SNX30: variants seen among roughly 807,000 people sequenced by gnomAD.
SNX30 encodes the protein sorting nexin family member 30, also known as sorting nexin-30.
SNX30 carries 24 observed loss-of-function variants against 46.4 expected under a neutral mutation model. The observed-to-expected ratio is 0.52, with a 90% CI of 0.37 to 0.73. The LOEUF is 0.73. Ranked by LOEUF, SNX30 falls within the 30% of genes least tolerant of loss-of-function variation. The pLI is 0.00. For missense variants in SNX30, 533 were observed against 555.7 expected (o/e 0.96, Z 0.41); for synonymous variants, 189 against 211.5 (o/e 0.89, Z 0.92).
chr9:112,863,038 T>C lies in SNX30; in HGVS notation c.1102-1209T>C, dbSNP rs559595948. Among the ~76,000 whole-genome samples, 10 of 152,298 alleles carry C rather than the reference T, an allele frequency of 6.6e-5. No individual in the cohort carries two copies. The East Asian group carries it at 1.5e-3, about 24-fold the overall frequency. ...TCAGGCACATTCAAATTCACTTGCC[T>C]TGGCCATGTCTCTTCCCTGACTCCT... On this transcript the variant is annotated intron_variant, in intron 7 of 8. Transcript: ENST00000374232.
chr9:112,879,996 G>A, exon 5 of SNX30: 1 of 525,032 alleles, frequency 1.9e-6, no homozygotes, highest in East Asian at 2.9e-5. Flanking sequence ...CTAGCTAAAA[G>A]GAGCATGTTG....
At chr9:112,784,328 T>G (rs1430179690) in intron 1 of SNX30, among the ~76,000 whole-genome samples, 1 of 152,174 alleles carries the variant, frequency 6.6e-6, no homozygotes, top group Non-Finnish European at 1.5e-5. Context: ...TGAAGTCTTT[T>G]TGTAAAATGT....
At chr9:112,878,693 A>G (rs57717380), downstream of SNX30, 22,752 of 152,210 alleles carry the variant, frequency 0.15, 1,915 homozygotes, top group Non-Finnish European at 0.19. Context: ...GGGCAGACAC[A>G]GTCACGTGCT....
intron 6 of SNX30, among the ~76,000 whole-genome samples, chr9:112,844,881 A>G (rs1840916528): frequency 6.6e-6 from 1 of 152,334 alleles, no homozygotes; most frequent in African/African-American, 2.4e-5. Flanking sequence ...CAATGAGTCA[A>G]ACTCCGGGAA....
rs1256331578 is a variant in SNX30, at chr9:112,817,437, G to A, written c.349-268G>A. On this transcript the variant is annotated intron_variant, in intron 2 of 8. Transcript: ENST00000374232. Reference sequence around the variant, plus strand: ...TTTTTTTTTTTTTTTTTTTTGAGACGGAGTCTCGCTCTGTCACCCAGGCTG... The same window carrying A: ...TTTTTTTTTTTTTTTTTTTTGAGACAGAGTCTCGCTCTGTCACCCAGGCTG... Among the ~76,000 whole-genome samples, 70 of 38,630 alleles carry A rather than the reference G, an allele frequency of 1.8e-3. 1 individual carries two copies. The highest frequency in any genetic ancestry group is 0.012 in the African/African-American group (59 of 4,866). 25.3% of individuals were successfully genotyped at this position (38,630 alleles called of 152,430 possible). A position where few individuals can be genotyped will look rare whatever the true frequency, so the allele number is the denominator to read the frequency against.
At chr9:112,852,296 G>T (rs945320823) in intron 7 of SNX30, among the ~76,000 whole-genome samples, 1 of 152,070 alleles carries the variant, frequency 6.6e-6, no homozygotes, top group African/African-American at 2.4e-5. Context: ...TGGGTTTTCA[G>T]ACTGGGGACG....
rs746277744 is a variant in SNX30, at chr9:112,804,744, T to C, written c.157-32T>C. 14 of 1,565,730 alleles carry C rather than the reference T, an allele frequency of 8.9e-6. 1 individual carries two copies. The highest frequency in any genetic ancestry group is 8.7e-7 in the Non-Finnish European group (1 of 1,154,270). On this transcript the variant is annotated intron_variant, in intron 1 of 8. Coordinates refer to ENST00000374232, the MANE Select transcript of SNX30 (RefSeq NM_001012994.2). ...GCTGATACTCTCCAGTATGTTTTCA[T>C]TTAATTTTAAGGTGCTCTTTTCTTC...
intron 2 of SNX30, among the ~76,000 whole-genome samples, chr9:112,805,435 G>T (rs1234812819): frequency 1.3e-5 from 2 of 152,076 alleles, no homozygotes; most frequent in Non-Finnish European, 2.9e-5. Flanking sequence ...CAGGTGTTGA[G>T]ATTTAATTGA....
intron 1 of SNX30, among the ~76,000 whole-genome samples, chr9:112,796,837 C>G (rs534967401): frequency 2.4e-4 from 37 of 152,188 alleles, no homozygotes; most frequent in Admixed American, 5.2e-4. Context: ...CCAGATGTCC[C>G]GTCATCAGCT....
chr9:112,784,275 G>A (rs955564984), intron 1 of SNX30, among the ~76,000 whole-genome samples: 3 of 152,060 alleles, frequency 2.0e-5, no homozygotes, highest in Admixed American at 6.6e-5. Context: ...TCCCTCTCAC[G>A]TCTCCTGTAT....
In SNX30 at chr9:112,868,983, A is replaced by G. The variant is rs1841403941; in HGVS notation, c.*140A>G. ...TCCTTTGTGTATTTTTCCCTCCCCC[A>G]CCTTTCACCCCACAGTGGTTTTCAA... On this transcript the variant is annotated 3_prime_UTR_variant, in exon 9 of 9. Coordinates refer to ENST00000374232, the MANE Select transcript of SNX30 (RefSeq NM_001012994.2). 2.5e-6 allele frequency: 2 copies of G among 791,634 alleles called. No individual in the cohort carries two copies. Among genetic ancestry groups the G allele is most frequent in the Non-Finnish European group, 4.3e-6 (2 of 467,412 alleles). The allele number at this position is 791,634 out of a possible 1,614,324, so 49.0% of individuals were successfully genotyped here. A position where few individuals can be genotyped will look rare whatever the true frequency, so the allele number is the denominator to read the frequency against.
At chr9:112,807,343 A>T (rs1047739866) in intron 2 of SNX30, among the ~76,000 whole-genome samples, 2 of 152,004 alleles carry the variant, frequency 1.3e-5, no homozygotes, top group African/African-American at 4.8e-5. Flanking sequence ...TGGGATTACA[A>T]GCGTGAGCCG....
chr9:112,881,855 A>C (rs1841581850), downstream of SNX30, among the ~76,000 whole-genome samples: 2 of 152,230 alleles, frequency 1.3e-5, no homozygotes, highest in African/African-American at 4.8e-5. Flanking sequence ...AGCATGTAAT[A>C]GAAGGATCTA....
chr9:112,842,684 G>A (rs562835259), intron 6 of SNX30, among the ~76,000 whole-genome samples: 1 of 152,346 alleles, frequency 6.6e-6, no homozygotes, highest in Admixed American at 6.5e-5. Flanking sequence ...AGGCAAACTA[G>A]GTGACTTTAG....
chr9:112,849,330 A>G (rs539132572), intron 6 of SNX30, among the ~76,000 whole-genome samples: 1 of 152,360 alleles, frequency 6.6e-6, no homozygotes, highest in African/African-American at 2.4e-5. Context: ...TGGCTATTTA[A>G]GTTTAAATTC....
In SNX30 at chr9:112,804,819, G is replaced by A. The variant is rs374486505; in HGVS notation, c.200G>A (p.Ser67Asn). ...GGTGGTACTCCAGCAGGTACTTCAA[G>A]TCCAGCTTCTTCATCTTCCCTTCTC... ...PNGGTPAGTS[S>N]PASSSSLLNR... Residue 67 changes from serine (S) to asparagine (N), a missense_variant, in exon 2 of 9, where the codon AGT (serine) becomes AAT (asparagine). Coordinates refer to ENST00000374232, the MANE Select transcript of SNX30 (RefSeq NM_001012994.2). 1 of 1,613,684 alleles carries A rather than the reference G, an allele frequency of 6.2e-7. No individual in the cohort carries two copies. The highest frequency in any genetic ancestry group is 2.2e-5 in the East Asian group (1 of 44,872).
intron 2 of SNX30, among the ~76,000 whole-genome samples, chr9:112,817,401 C>CTTTGTTTTTTTTTTTT (rs1840414529): frequency 2.1e-5 from 1 of 46,836 alleles, no homozygotes; most frequent in East Asian, 1.3e-3. Context: ...AAAAAACTGG[C>CTTTGTTTTTTTTTTTT]TTTTTTTTTT....
chr9:112,828,402 G>A (rs1192679244), intron 3 of SNX30, among the ~76,000 whole-genome samples: 1 of 152,158 alleles, frequency 6.6e-6, no homozygotes, highest in Non-Finnish European at 1.5e-5. Context: ...CACCATCTAG[G>A]TTTGTGTAGG....
rs544706101 is a variant in SNX30 at position 112,871,193 on chromosome 9, T to C, written c.*2350T>C. On this transcript the variant is annotated 3_prime_UTR_variant, in exon 9 of 9. Transcript: ENST00000374232. Reference sequence around the variant, plus strand: ...GAAAGACCTGGAACAAGGCAAACTTTATGTCCTCCTGGCATGTTATTGATA... The same window carrying C: ...GAAAGACCTGGAACAAGGCAAACTTCATGTCCTCCTGGCATGTTATTGATA... 6.6e-6 allele frequency: 1 copy of C among 152,358 alleles called. No homozygotes were observed. The highest frequency in any genetic ancestry group is 2.4e-5 in the African/African-American group (1 of 41,574). 9.4% of individuals were successfully genotyped at this position (152,358 alleles called of 1,614,324 possible).
Sources: gnomAD v4.1 joint callset for allele counts (sites outside exome capture counted in the v4.1 genomes callset) on GRCh38, gnomAD v4.1.1 for gene constraint, MANE v1.5 for transcripts, NCBI Gene and HGNC (gene_info 2026-07-23, HGNC 2026-07-21) for gene names.